Variants in PDZD2 observed in about 807,000 individuals in gnomAD.
PDZD2 encodes the protein PDZ domain containing 2.
Under a neutral mutation model 220.7 loss-of-function variants are expected in PDZD2, and 90 were observed. The observed-to-expected ratio is 0.41, with a 90% confidence interval of 0.34 to 0.49. PDZD2 has a LOEUF of 0.49. Among genes scored for constraint, PDZD2 ranks in the 20% least tolerant of loss-of-function variants. The probability of loss-of-function intolerance (pLI) is 0.28; values close to 1 mark genes in which losing one functional copy is unlikely to be tolerated. For synonymous variants in PDZD2, 1,375 were observed against 1,450.5 expected, an observed-to-expected ratio of 0.95 and a Z score of 1.18; for missense variants, 3,174 against 3,608.5, an observed-to-expected ratio of 0.88 and a Z score of 3.08.
At position 31,863,725 on chromosome 5, in the gene PDZD2, A is replaced by T. The variant is rs577155019; in HGVS notation, c.476+64001A>T. On this transcript the variant is annotated intron_variant, in intron 2 of 24. Transcript: ENST00000438447. ...TTCACTTGTCAGTCCCTCTGTAAGTATACCATTCCTTAGACAATATAAGCA... is the reference window on the plus strand; with the variant it reads ...TTCACTTGTCAGTCCCTCTGTAAGTTTACCATTCCTTAGACAATATAAGCA... 2.0e-4 allele frequency among the ~76,000 whole-genome samples: 31 copies of T among 152,310 alleles called. 1 individual carries two copies. The South Asian group carries it at 6.4e-3, about 32-fold the overall frequency.
At chr5:31,907,233 G>C (rs1451527412) in intron 2 of PDZD2, among the ~76,000 whole-genome samples, 3 of 152,220 alleles carry the variant, frequency 2.0e-5, no homozygotes, top group Admixed American at 6.5e-5. Context: ...AAAGACGAAA[G>C]TACCAGCAGC....
rs1472538791 is a variant in PDZD2, at chr5:32,074,606, C to A, written c.3500C>A (p.Thr1167Asn). ...GTCCAGGCCACTTCTGTCAAAGTGACTGTCGCTGGCTTTCAGCCAGGTGGA... is the reference window on the plus strand; with the variant it reads ...GTCCAGGCCACTTCTGTCAAAGTGAATGTCGCTGGCTTTCAGCCAGGTGGA... ...SRVQATSVKV[T>N]VAGFQPGGAV... is the part of the protein sequence containing the mutation. Residue 1167 changes from threonine to asparagine, a missense_variant, in exon 18 of 25, where the codon ACT becomes AAT. Thr to Asn is a moderately conservative substitution (Grantham distance 65). Around this residue, in one of 4 missense-constraint regions of PDZD2, gnomAD observed 1,861 missense variants for 2,001.0 expected, o/e 0.93. Transcript: ENST00000438447. The A allele has an allele frequency of 6.2e-7, 1 of 1,611,150 alleles. No individual in the cohort carries two copies. The highest frequency in any genetic ancestry group is 2.2e-5 in the East Asian group (1 of 44,858).
In PDZD2 at chr5:31,799,415, C is replaced by T. The variant is rs145138976; in HGVS notation, c.167C>T (p.Thr56Met). The change falls in exon 2 of 25, where the codon ACG (threonine) becomes ATG (methionine). Residue 56 changes from threonine to methionine, a missense_variant. Physicochemically the swap from Thr to Met is moderately conservative, Grantham distance 81. Coordinates refer to ENST00000438447, the MANE Select transcript of PDZD2 (RefSeq NM_178140.4). The part of the protein sequence containing the change: ...IQLNFAVDES[T>M]VPPDHSPPEM... ...CTGAACTTTGCTGTGGATGAGAGTA[C>T]GGTCCCACCTGATCACAGCCCCCCC... is the stretch of plus-strand genomic sequence containing the variant. 0.028 allele frequency: 45,537 copies of T among 1,614,124 alleles called. 781 individuals carry two copies. The highest frequency in any genetic ancestry group is 0.034 in the Non-Finnish European group (39,726 of 1,179,986).
At chr5:31,810,911 G>T (rs1755073016) in intron 2 of PDZD2, among the ~76,000 whole-genome samples, 1 of 152,226 alleles carries the variant, frequency 6.6e-6, no homozygotes, top group South Asian at 2.1e-4. Flanking sequence ...TTTGAGATGT[G>T]ATCTTTCTCC....
intron 19 of PDZD2, among the ~76,000 whole-genome samples, chr5:32,078,400 G>A (rs994588534): frequency 1.3e-5 from 2 of 152,080 alleles, no homozygotes; most frequent in South Asian, 2.1e-4. Context: ...GGGAAGCTGA[G>A]GCAAGTAGAT....
intron 24 of PDZD2, among the ~76,000 whole-genome samples, chr5:32,107,767 G>A (rs979848088): frequency 7.9e-5 from 12 of 152,140 alleles, no homozygotes; most frequent in South Asian, 2.1e-4. Context: ...TTGGAGGGGC[G>A]GCAGGAGGGC....
At chr5:31,730,114 C>T (rs1749435345) in intron 1 of PDZD2, among the ~76,000 whole-genome samples, 1 of 152,202 alleles carries the variant, frequency 6.6e-6, no homozygotes, top group South Asian at 2.1e-4. Flanking sequence ...AGGTGTGAGC[C>T]ACTGCGCCCA....
At chr5:31,656,295 G>A (rs1401500550) in intron 1 of PDZD2, among the ~76,000 whole-genome samples, 3 of 152,160 alleles carry the variant, frequency 2.0e-5, no homozygotes, top group Non-Finnish European at 4.4e-5. Flanking sequence ...CCTTTGAAAA[G>A]CCTTCCCCGC....
intron 1 of PDZD2, among the ~76,000 whole-genome samples, chr5:31,761,202 T>C (rs1751629944): frequency 6.6e-6 from 1 of 151,980 alleles, no homozygotes; most frequent in African/African-American, 2.4e-5. Flanking sequence ...GGAGATAACA[T>C]GGGAAAGCAA....
chr5:31,793,394 G>A (rs753672619), intron 1 of PDZD2, among the ~76,000 whole-genome samples: 12 of 152,152 alleles, frequency 7.9e-5, no homozygotes, highest in Non-Finnish European at 1.6e-4. Context: ...CAGGGCCTTT[G>A]CACCTGCAGT....
chr5:31,739,321 A>C (rs1203787686), intron 1 of PDZD2, among the ~76,000 whole-genome samples: 1 of 152,206 alleles, frequency 6.6e-6, no homozygotes, highest in African/African-American at 2.4e-5. Context: ...CAGAACTAAT[A>C]GGAAATAAAG....
chr5:31,760,489 G>A (rs765353806), intron 1 of PDZD2, among the ~76,000 whole-genome samples: 31 of 152,176 alleles, frequency 2.0e-4, no homozygotes, highest in Non-Finnish European at 3.5e-4. Context: ...AGTGGGATTC[G>A]AGGTAGATTT....
intron 2 of PDZD2, among the ~76,000 whole-genome samples, chr5:31,894,099 G>T: frequency 8.5e-6 from 1 of 117,874 alleles, no homozygotes. Flanking sequence ...TTTTATTAGA[G>T]ACAGGGTTTC....
intron 1 of PDZD2, among the ~76,000 whole-genome samples, chr5:31,735,408 G>A (rs1008930272): frequency 6.6e-6 from 1 of 152,196 alleles, no homozygotes. Flanking sequence ...TGTAAGAGAT[G>A]AGAGTATGTA....
At chr5:31,816,677 T>TA (rs1755478430) in intron 2 of PDZD2, among the ~76,000 whole-genome samples, 1 of 152,162 alleles carries the variant, frequency 6.6e-6, no homozygotes, top group Admixed American at 6.6e-5. Context: ...AGCTATATGT[T>TA]AAAAACTATT....
chr5:31,892,693 G>A (rs1048030869), intron 2 of PDZD2, among the ~76,000 whole-genome samples: 1 of 143,576 alleles, frequency 7.0e-6, no homozygotes, highest in Non-Finnish European at 1.5e-5. Flanking sequence ...TCATCCTCCC[G>A]AGTAGCTAGG....
intron 3 of PDZD2, among the ~76,000 whole-genome samples, chr5:31,986,989 T>C (rs2111901851): frequency 6.6e-6 from 1 of 151,954 alleles, no homozygotes; most frequent in Middle Eastern, 3.4e-3. Context: ...CAATAATACA[T>C]ATATAAGCAG....
chr5:31,830,323 G>A (rs1236211188), intron 2 of PDZD2, among the ~76,000 whole-genome samples: 9 of 131,454 alleles, frequency 6.8e-5, no homozygotes, highest in Non-Finnish European at 6.4e-5. Flanking sequence ...CCACCACCAC[G>A]CCCAGCTAAT....
chr5:31,701,242 G>A (rs1747598161), intron 1 of PDZD2, among the ~76,000 whole-genome samples: 1 of 152,036 alleles, frequency 6.6e-6, no homozygotes, highest in South Asian at 2.1e-4. Context: ...TATTACCCAG[G>A]CTGGGGTGCA....
Sources: allele counts gnomAD v4.1 joint callset (sites outside exome capture counted in the v4.1 genomes callset), GRCh38; gene constraint gnomAD v4.1.1; regional missense constraint gnomAD v4.1.1; transcripts MANE v1.5; gene names NCBI Gene and HGNC (gene_info 2026-07-23, HGNC 2026-07-21).